The following AZI2 variants were observed in gnomAD, a reference collection of about 807,000 sequenced individuals.
The protein encoded by AZI2 is 5-azacytidine-induced protein 2.
In AZI2, 22 loss-of-function variants were observed where a neutral mutation model predicts 45.8. The ratio of observed to expected loss-of-function variants is 0.48; its 90% CI spans 0.34 to 0.69. The LOEUF (loss-of-function observed/expected upper bound fraction) is 0.69. Ranked by LOEUF, AZI2 falls within the 30% of genes least tolerant of loss-of-function variation. AZI2 has a pLI of 0.01. For synonymous variants in AZI2, 137 were observed against 156.7 expected (o/e 0.87, Z 0.94); for missense variants, 417 against 441.5 (o/e 0.94, Z 0.50).
intron 1 of AZI2, among the ~76,000 whole-genome samples, chr3:28,344,145 A>G (rs568290617): frequency 7.9e-5 from 12 of 152,166 alleles, no homozygotes; most frequent in African/African-American, 2.6e-4. Flanking sequence ...ATATATTAAA[A>G]CACACAATGT....
At position 28,338,517 on chromosome 3, in the gene AZI2, A is replaced by C. The variant is rs1317231112; in HGVS notation, c.315T>G (p.Asn105Lys). 1.3e-6 allele frequency: 2 copies of C among 1,582,658 alleles called. No individual in the cohort carries two copies. The highest frequency in any genetic ancestry group is 1.1e-5 in the South Asian group (1 of 87,108). ...CCATTTTGTCCAGTTTGCTCTTCAA[A>C]TTATCTCTATCAATGCAAACCTCTC... ...AYREVCIDRD[N>K]LKSKLDKMNK... Residue 105 changes from asparagine to lysine, a missense_variant, in exon 3 of 8, where the codon AAT (asparagine) becomes AAG (lysine). Asn to Lys is a moderately conservative substitution (Grantham distance 94). Transcript: ENST00000479665.
chr3:28,332,360 T>C lies in AZI2; in HGVS notation c.647+9A>G, dbSNP rs184488429. On this transcript the variant is annotated intron_variant, in intron 6 of 7. Transcript: ENST00000479665. ...AACGTATTGTCTTAATGCTGAAGAG[T>C]GGTCATACCTTGAAATGCTTAGTTT... 31 of 1,597,532 alleles carry C rather than the reference T, an allele frequency of 1.9e-5. No homozygotes were observed. In the East Asian group the frequency reaches 4.0e-4, roughly 21 times the overall value.
chr3:28,336,552 T>C (rs766739741), intron 5 of AZI2, among the ~76,000 whole-genome samples, 185 bp downstream of exon 5: 45 of 152,160 alleles, frequency 3.0e-4, no homozygotes, highest in African/African-American at 8.2e-4. Context: ...TAAAAGTATA[T>C]GGCATGTCAA....
chr3:28,347,488 C>T (rs1300056225), intron 1 of AZI2, among the ~76,000 whole-genome samples: 1 of 152,142 alleles, frequency 6.6e-6, no homozygotes, highest in East Asian at 1.9e-4. Flanking sequence ...GACTCCAGAG[C>T]CAGCATAACT....
intron 6 of AZI2, 106 bp downstream of exon 6, chr3:28,332,263 C>A: frequency 1.1e-6 from 1 of 921,802 alleles, no homozygotes; most frequent in Non-Finnish European, 1.7e-6. Flanking sequence ...AAACAATATC[C>A]ATTTTTTGTT....
At chr3:28,329,785 G>A (rs948143442) in intron 6 of AZI2, among the ~76,000 whole-genome samples, 3 of 151,112 alleles carry the variant, frequency 2.0e-5, no homozygotes, top group South Asian at 2.1e-4. Context: ...CCCCAAACAA[G>A]TGGCTCTCAT....
At chr3:28,327,385 T>C (rs966252285) in intron 6 of AZI2, among the ~76,000 whole-genome samples, 4 of 151,088 alleles carry the variant, frequency 2.6e-5, no homozygotes, top group African/African-American at 9.7e-5. Flanking sequence ...CACTGTGAAT[T>C]GAAATGATAT....
chr3:28,329,890 A>G (rs766691811), intron 6 of AZI2, among the ~76,000 whole-genome samples: 1 of 151,194 alleles, frequency 6.6e-6, no homozygotes, highest in Non-Finnish European at 1.5e-5. Flanking sequence ...TGTGTAATGC[A>G]CTCTGGTATT....
chr3:28,347,578 CT>C (rs1704304410), intron 1 of AZI2, among the ~76,000 whole-genome samples: 2 of 152,198 alleles, frequency 1.3e-5, no homozygotes, highest in African/African-American at 4.8e-5. Context: ...AAAGTTTAGC[CT>C]CTTACCCATT....
intron 1 of AZI2, among the ~76,000 whole-genome samples, chr3:28,346,568 T>C (rs530945943): frequency 1.1e-4 from 16 of 143,546 alleles, no homozygotes; most frequent in African/African-American, 2.7e-4. Context: ...AAACTGAAGT[T>C]TGAATCAAGG....
At chr3:28,331,890 C>T in intron 6 of AZI2, 7 of 1,548,128 alleles carry the variant, frequency 4.5e-6, no homozygotes, top group Non-Finnish European at 6.1e-6. Flanking sequence ...AGGGAACAGT[C>T]CTCAAAATTC....
At chr3:28,331,842 A>G (rs745679667) in intron 6 of AZI2, 2 of 1,545,852 alleles carry the variant, frequency 1.3e-6, no homozygotes, top group Non-Finnish European at 8.7e-7. Flanking sequence ...TTGAAAAAGT[A>G]TATGAACTCT....
chr3:28,330,110 CCT>C (rs1185338824), intron 6 of AZI2, among the ~76,000 whole-genome samples: 1 of 151,130 alleles, frequency 6.6e-6, no homozygotes, highest in African/African-American at 2.4e-5. Context: ...ACAGCGACTC[CCT>C]GTCTAGATCT....
intron 5 of AZI2, among the ~76,000 whole-genome samples, chr3:28,334,020 T>C (rs145898616): frequency 6.6e-6 from 1 of 151,636 alleles, no homozygotes; most frequent in Non-Finnish European, 1.5e-5. Context: ...TCAATGGTTC[T>C]GAATATAAAT....
intron 5 of AZI2, among the ~76,000 whole-genome samples, chr3:28,332,766 T>C (rs985607928): frequency 3.3e-5 from 5 of 151,794 alleles, no homozygotes; most frequent in African/African-American, 1.2e-4. Flanking sequence ...ATTTGTCACA[T>C]TTCTGTTTAC....
rs1391017601 is a variant in AZI2, at chr3:28,327,032, C to T, written c.648-82G>A. Reference sequence around the variant, plus strand: ...GGAATAACTTTAGAAATATGCAGATCAAGTTTCTGCTCCAATTAGTTTTGA... The same window carrying T: ...GGAATAACTTTAGAAATATGCAGATTAAGTTTCTGCTCCAATTAGTTTTGA... On this transcript the variant is annotated intron_variant, in intron 6 of 7. Coordinates refer to ENST00000479665, the MANE Select transcript of AZI2 (RefSeq NM_022461.5). 3 of 920,494 alleles carry T rather than the reference C, an allele frequency of 3.3e-6. No homozygotes were observed. In the African/African-American group the frequency reaches 5.1e-5, roughly 16 times the overall value. The allele number at this position is 920,494 out of a possible 1,614,324, so 57.0% of individuals were successfully genotyped here.
intron 6 of AZI2, 121 bp from the exon 7 acceptor site, chr3:28,327,071 G>GA: frequency 4.6e-6 from 3 of 657,654 alleles, no homozygotes; most frequent in Non-Finnish European, 7.7e-6. Context: ...GATGTAAACT[G>GA]AAAAAAACAA....
intron 7 of AZI2, 58 bp from the exon 8 acceptor site, chr3:28,324,512 C>A: frequency 2.2e-6 from 3 of 1,356,940 alleles, no homozygotes; most frequent in Non-Finnish European, 1.9e-6. Flanking sequence ...TCATAAAATT[C>A]GATAACACTT....
chr3:28,329,752 T>C (rs1260488825), intron 6 of AZI2, among the ~76,000 whole-genome samples: 1 of 151,256 alleles, frequency 6.6e-6, no homozygotes, highest in East Asian at 1.9e-4. Flanking sequence ...CTTAAAAGTG[T>C]GTATTTTGAC....
Sources: allele counts gnomAD v4.1 joint callset (sites outside exome capture counted in the v4.1 genomes callset), GRCh38; gene constraint gnomAD v4.1.1; transcripts MANE v1.5; gene names NCBI Gene and HGNC (gene_info 2026-07-23, HGNC 2026-07-21).